SNX27: variants seen among roughly 807,000 people sequenced by gnomAD.
The protein encoded by SNX27 is sorting nexin 27.
In SNX27, 22 loss-of-function variants were observed where a neutral mutation model predicts 71.6. The ratio of observed to expected loss-of-function variants is 0.31; its 90% CI spans 0.22 to 0.44. SNX27 has a LOEUF of 0.44. Ranked by LOEUF, SNX27 falls within the 20% of genes least tolerant of loss-of-function variation. The pLI, the probability that SNX27 is intolerant of heterozygous loss-of-function variation, is 1.00. For missense variants in SNX27, 531 were observed against 698.6 expected (o/e 0.76, Z 2.70); for synonymous variants, 269 against 277.2 (o/e 0.97, Z 0.29).
rs924976370 is a variant in SNX27 at position 151,649,269 on chromosome 1, A to C, written c.544-8966A>C. Reference sequence around the variant, plus strand: ...GCCACTGTGTCTGGCCGATTTTTTAAATTTTTATTTATTTATTTTTTTAAA... The same window carrying C: ...GCCACTGTGTCTGGCCGATTTTTTACATTTTTATTTATTTATTTTTTTAAA... On this transcript the variant is annotated intron_variant, in intron 2 of 11. Transcript: ENST00000458013. Among the ~76,000 whole-genome samples the C allele has an allele frequency of 3.9e-5, 6 of 151,964 alleles. No homozygotes were observed. In the South Asian group the frequency reaches 6.2e-4, roughly 16 times the overall value.
chr1:151,626,264 A>G (rs1318018206), intron 1 of SNX27, among the ~76,000 whole-genome samples: 1 of 148,634 alleles, frequency 6.7e-6, no homozygotes, highest in Non-Finnish European at 1.5e-5. Context: ...TATGTGATTA[A>G]CTTTTTTTTT....
chr1:151,659,060 A>G (rs1333842531), intron 3 of SNX27, among the ~76,000 whole-genome samples: 1 of 152,208 alleles, frequency 6.6e-6, no homozygotes, highest in African/African-American at 2.4e-5. Flanking sequence ...ATATTAAGAC[A>G]TTTTAAATAT....
At chr1:151,641,735 GAT>G in intron 2 of SNX27, among the ~76,000 whole-genome samples, 1 of 129,140 alleles carries the variant, frequency 7.7e-6, no homozygotes, top group East Asian at 2.2e-4. Context: ...ATATCAGATA[GAT>G]ATATCAGATA....
chr1:151,625,553 C>A (rs1231110010), intron 1 of SNX27, among the ~76,000 whole-genome samples: 1 of 150,844 alleles, frequency 6.6e-6, no homozygotes, highest in Non-Finnish European at 1.5e-5. Flanking sequence ...AAGGTTGAAT[C>A]TGGCCAGGTG....
In SNX27 at chr1:151,692,603, G is replaced by A; in HGVS notation, c.1389+19G>A. The A allele has an allele frequency of 1.2e-6, 2 of 1,604,924 alleles. No homozygotes were observed. Among genetic ancestry groups the A allele is most frequent in the African/African-American group, 2.7e-5 (2 of 74,408 alleles). On this transcript the variant is annotated intron_variant, in intron 9 of 11. Transcript: ENST00000458013. ...GCTGGAGGTGAGTTTTCAGCATAGG[G>A]CTCTGGCTGCGAGGACTGGAGATAC...
chr1:151,681,145 T>G (rs1210320496), intron 7 of SNX27, among the ~76,000 whole-genome samples: 2 of 152,060 alleles, frequency 1.3e-5, no homozygotes, highest in Non-Finnish European at 2.9e-5. Context: ...CTATGAGATA[T>G]TCCAGTTTTA....
At chr1:151,638,450 G>A (rs1008850951) in intron 1 of SNX27, among the ~76,000 whole-genome samples, 1 of 152,160 alleles carries the variant, frequency 6.6e-6, no homozygotes, top group African/African-American at 2.4e-5. Flanking sequence ...ATTTTGTGAA[G>A]GTTCTTTTAA....
chr1:151,692,281 G>A (rs1671485439), intron 8 of SNX27, among the ~76,000 whole-genome samples, 154 bp from the exon 9 acceptor site: 1 of 152,046 alleles, frequency 6.6e-6, no homozygotes, highest in Non-Finnish European at 1.5e-5. Context: ...AGATGGGTGT[G>A]AGACCAGAGG....
chr1:151,635,636 G>T (rs1668429371), intron 1 of SNX27, among the ~76,000 whole-genome samples: 1 of 152,074 alleles, frequency 6.6e-6, no homozygotes, highest in South Asian at 2.1e-4. Flanking sequence ...ACATCCTGGG[G>T]TTTTTACTGA....
At chr1:151,630,035 C>T (rs1287288253) in intron 1 of SNX27, among the ~76,000 whole-genome samples, 1 of 150,690 alleles carries the variant, frequency 6.6e-6, no homozygotes, top group African/African-American at 2.4e-5. Context: ...CGCTTGAACC[C>T]GGGAGGCGAA....
intron 2 of SNX27, among the ~76,000 whole-genome samples, chr1:151,653,356 G>A (rs1460995506): frequency 1.3e-5 from 2 of 152,240 alleles, no homozygotes; most frequent in South Asian, 2.1e-4. Context: ...TTGGAAATGG[G>A]CAATACTCTT....
intron 7 of SNX27, among the ~76,000 whole-genome samples, chr1:151,681,907 C>G (rs1194389221): frequency 2.0e-5 from 3 of 151,942 alleles, no homozygotes; most frequent in African/African-American, 7.2e-5. Context: ...CAGACTCATT[C>G]CTGTTTCCTA....
At chr1:151,620,256 T>A (rs1003224339) in intron 1 of SNX27, among the ~76,000 whole-genome samples, 10 of 152,256 alleles carry the variant, frequency 6.6e-5, no homozygotes, top group African/African-American at 2.4e-4. Flanking sequence ...TTTCTCTTTA[T>A]GAGCTCAGAA....
intron 1 of SNX27, among the ~76,000 whole-genome samples, chr1:151,615,433 C>T (rs1253094638): frequency 1.3e-5 from 2 of 152,006 alleles, no homozygotes; most frequent in Non-Finnish European, 2.9e-5. Context: ...AATCAGCAAC[C>T]AAATAGATGT....
Position 151,666,010 on chromosome 1 carries a change from T to C in SNX27, c.984T>C (p.Phe328=), listed in dbSNP as rs150091333. 1,342 of 1,609,738 alleles carry C rather than the reference T, an allele frequency of 8.3e-4. 8 individuals carry two copies. The African/African-American group carries it at 0.013, about 16-fold the overall frequency. The change falls in exon 6 of 12, where the codon TTT becomes TTC. Residue 328 remains phenylalanine (F), a splice_region_variant and synonymous_variant. Transcript: ENST00000458013. The stretch of plus-strand genomic sequence containing the variant: ...TATTTGAAGTGATCAGTCACTCCTT[T>C]GGTAAGTACCAGTGGCTGATACTAA... ...FALFEVISHS[F]VRKLAPNEFP... is the part of the protein sequence containing the mutation.
At chr1:151,683,659 A>AT (rs1671067210) in intron 8 of SNX27, among the ~76,000 whole-genome samples, 1 of 103,058 alleles carries the variant, frequency 9.7e-6, no homozygotes. Context: ...TAATTTTATT[A>AT]TTATTTTGGG....
At chr1:151,662,359 G>T (rs1212367324) in intron 5 of SNX27, 89 bp downstream of exon 5, 2 of 748,588 alleles carry the variant, frequency 2.7e-6, no homozygotes, top group Non-Finnish European at 2.2e-6. Context: ...AAAGTGCTTA[G>T]GGTGTCTGGC....
chr1:151,624,393 T>C (rs899889443), intron 1 of SNX27, among the ~76,000 whole-genome samples: 10 of 148,302 alleles, frequency 6.7e-5, no homozygotes, highest in Non-Finnish European at 1.0e-4. Flanking sequence ...GCTTTTTTTT[T>C]CTGAATAGCT....
At chr1:151,657,447 C>T (rs1669747558) in intron 2 of SNX27, among the ~76,000 whole-genome samples, 1 of 152,184 alleles carries the variant, frequency 6.6e-6, no homozygotes, top group Non-Finnish European at 1.5e-5. Context: ...GCTGGAATCA[C>T]AGACGTGAGC....
Sources: allele counts gnomAD v4.1 joint callset (sites outside exome capture counted in the v4.1 genomes callset), GRCh38; gene constraint gnomAD v4.1.1; transcripts MANE v1.5; gene names NCBI Gene and HGNC (gene_info 2026-07-23, HGNC 2026-07-21).